The following ABCB9 variants were observed in gnomAD, a reference collection of about 807,000 sequenced individuals.
ABCB9 encodes ABC-type oligopeptide transporter ABCB9.
Under a neutral mutation model 62.0 loss-of-function variants are expected in ABCB9, and 36 were observed. The observed-to-expected ratio is 0.58, with a 90% CI of 0.45 to 0.77. The LOEUF is 0.77. Ranked by LOEUF, ABCB9 falls within the 30% of genes least tolerant of loss-of-function variation. The pLI is 0.00. For synonymous variants in ABCB9, 435 were observed against 461.4 expected (o/e 0.94, Z 0.73); for missense variants, 943 against 1,054.7 (o/e 0.89, Z 1.47).
rs2135747835 is a variant in ABCB9, at chr12:122,929,693, CGTGAAGGCGTTG to C, written c.*206_*217del. 1 of 1,292,316 alleles carries C rather than the reference CGTGAAGGCGTTG, an allele frequency of 7.7e-7. No individual in the cohort carries two copies. The highest frequency in any genetic ancestry group is 2.8e-5 in the East Asian group (1 of 35,512). The allele number at this position is 1,292,316 out of a possible 1,614,324, so 80.1% of individuals were successfully genotyped here. ...CTTTGCTTAGGAGGCTAGGGAGGTC[CGTGAAGGCGTTG>C]GCTCAGGGCAGCAGGGGTAAGGAGT... On this transcript the variant is annotated 3_prime_UTR_variant, in exon 12 of 12. Transcript: ENST00000280560. This position sits in a 1 kb window ranked among gnomAD's most constrained non-coding sequence, Gnocchi z 6.0.
At chr12:122,956,116 CG>C (rs2036602396) in intron 2 of ABCB9, among the ~76,000 whole-genome samples, 1 of 152,104 alleles carries the variant, frequency 6.6e-6, no homozygotes, top group Admixed American at 6.5e-5. Context: ...ACTTTTGGGC[CG>C]CCCAGCATGA....
At chr12:122,966,559 G>GGCGGGGCCTCAGGAGGA (rs2037188341), upstream of ABCB9, 2 of 152,178 alleles carry the variant, frequency 1.3e-5, no homozygotes, top group African/African-American at 2.4e-5. Context: ...TCCCGGGAGG[G>GGCGGGGCCTCAGGAGGA]GCGGGGCCTC....
At chr12:122,920,487 A>G (rs1233628374), downstream of ABCB9, among the ~76,000 whole-genome samples, 4 of 152,178 alleles carry the variant, frequency 2.6e-5, no homozygotes, top group East Asian at 7.7e-4. Flanking sequence ...GCCTGTGTTC[A>G]GTTCCCAGTG....
chr12:122,948,861 G>C lies in ABCB9; in HGVS notation c.848-32C>G, dbSNP rs757987414. 8 of 1,448,640 alleles carry C rather than the reference G, an allele frequency of 5.5e-6. No homozygotes were observed. In the East Asian group the frequency reaches 2.1e-4, roughly 39 times the overall value. The allele number at this position is 1,448,640 out of a possible 1,614,324, so 89.7% of individuals were successfully genotyped here. On this transcript the variant is annotated intron_variant, in intron 4 of 11. Transcript: ENST00000280560. ...CACACGCGGCTCAGCTCTCACCACA[G>C]CAACCCGGGCCTTGGGGGTGGCGGT... is the stretch of plus-strand genomic sequence containing the variant.
chr12:122,969,681 G>A (rs548220654), upstream of ABCB9, among the ~76,000 whole-genome samples: 91 of 150,590 alleles, frequency 6.0e-4, 3 homozygotes, highest in South Asian at 0.018. Flanking sequence ...AGGCTGCAAT[G>A]AGCTGTGTCC....
chr12:122,949,705 GC>G, intron 4 of ABCB9, 82 bp downstream of exon 4: 1 of 1,553,156 alleles, frequency 6.4e-7, no homozygotes, highest in Non-Finnish European at 8.8e-7. Flanking sequence ...CCACCCACAC[GC>G]CCATTTCATT....
chr12:122,950,423 G>A, intron 3 of ABCB9, 28 bp downstream of exon 3: 2 of 1,588,132 alleles, frequency 1.3e-6, no homozygotes, highest in African/African-American at 1.3e-5. Flanking sequence ...GGGTGTGCGG[G>A]GCAGGGCGTG....
chr12:122,974,446 C>G (rs1442360363), intron 1 of ABCB9: 2 of 152,382 alleles, frequency 1.3e-5, no homozygotes, highest in Non-Finnish European at 2.9e-5. Flanking sequence ...GGATGTGTGA[C>G]CTGCGGCGGG....
In ABCB9 at chr12:122,935,243, C is replaced by A. The variant is rs561296678; in HGVS notation, c.1903+29G>T. 226 of 1,579,614 alleles carry A rather than the reference C, an allele frequency of 1.4e-4. 3 individuals are homozygous for A. In the South Asian group the frequency reaches 2.3e-3, roughly 16 times the overall value. The stretch of plus-strand genomic sequence containing the variant: ...GTCCCTGAGGGTGACCCTGTGGGCC[C>A]AGGAGAGGGGCCACCCCCAGCTCCA... On this transcript the variant is annotated intron_variant, in intron 10 of 11. Coordinates refer to ENST00000280560, the MANE Select transcript of ABCB9 (RefSeq NM_019625.4).
intron 4 of ABCB9, 38 bp from the exon 5 acceptor site, chr12:122,948,867 C>G: frequency 1.6e-6 from 2 of 1,255,878 alleles, no homozygotes; most frequent in South Asian, 1.8e-5. Flanking sequence ...CACAGCAACC[C>G]GGGCCTTGGG....
At chr12:122,948,924 A>T in intron 4 of ABCB9, 95 bp from the exon 5 acceptor site, 24 of 793,794 alleles carry the variant, frequency 3.0e-5, no homozygotes, top group Non-Finnish European at 3.6e-5. Flanking sequence ...GACACTGGGA[A>T]GCCGGGCCTC....
rs34917345 is a variant in ABCB9 at position 122,958,169 on chromosome 12, C to CAAAAA, written c.601+1461_601+1465dup. Among the ~76,000 whole-genome samples the CAAAAA allele has an allele frequency of 1.4e-4, 10 of 72,212 alleles. No individual in the cohort carries two copies. In the South Asian group the frequency reaches 3.0e-3, roughly 21 times the overall value. The allele number at this position is 72,212 out of a possible 152,430, so 47.4% of individuals were successfully genotyped here. A position where few individuals can be genotyped will look rare whatever the true frequency, so the allele number is the denominator to read the frequency against. On this transcript the variant is annotated intron_variant, in intron 2 of 11. Coordinates refer to ENST00000280560, the MANE Select transcript of ABCB9 (RefSeq NM_019625.4). ...TGGGTGACAGAGCAAGACTCCATCT[C>CAAAAA]AAAAAAAAAAAAAAAAAAAAAATTC...
upstream of ABCB9, among the ~76,000 whole-genome samples, chr12:122,970,959 A>C (rs2037263790): frequency 6.6e-6 from 1 of 152,218 alleles, no homozygotes; most frequent in East Asian, 1.9e-4. Context: ...ATTCTGGAAA[A>C]GGCAAAACGG....
At position 122,944,549 on chromosome 12, in the gene ABCB9, G is replaced by T; in HGVS notation, c.1252-30C>A. The T allele has an allele frequency of 1.2e-6, 2 of 1,610,758 alleles. No homozygotes were observed. The highest frequency in any genetic ancestry group is 1.7e-6 in the Non-Finnish European group (2 of 1,178,240). On this transcript the variant is annotated intron_variant, in intron 6 of 11. Coordinates refer to ENST00000280560, the MANE Select transcript of ABCB9 (RefSeq NM_019625.4). This position sits in a 1 kb window ranked among gnomAD's most constrained non-coding sequence, Gnocchi z 4.9. The stretch of plus-strand genomic sequence containing the variant: ...GGCAGAGGGAGAGGGGATGTGGGTC[G>T]AGGGGACCTTAGATCCCCCACCATC...
chr12:122,971,937 A>G (rs1177104244), intron 1 of ABCB9, among the ~76,000 whole-genome samples: 1 of 151,992 alleles, frequency 6.6e-6, no homozygotes, highest in African/African-American at 2.4e-5. Context: ...ACTGATCTTA[A>G]AAAAAAGGAA....
intron 3 of ABCB9, among the ~76,000 whole-genome samples, chr12:122,950,121 C>T (rs1043493760): frequency 2.6e-5 from 4 of 152,126 alleles, no homozygotes; most frequent in Admixed American, 1.3e-4. Flanking sequence ...ACAAGAGACC[C>T]AAATGTGCCA....
chr12:122,955,688 CAT>C (rs1026038247), intron 2 of ABCB9, among the ~76,000 whole-genome samples: 2 of 151,966 alleles, frequency 1.3e-5, no homozygotes, highest in Non-Finnish European at 2.9e-5. Context: ...AGCATAAATG[CAT>C]AGTTTTTTGG....
intron 2 of ABCB9, among the ~76,000 whole-genome samples, chr12:122,954,855 G>T (rs2036545465): frequency 1.3e-5 from 2 of 152,120 alleles, no homozygotes; most frequent in African/African-American, 2.4e-5. Flanking sequence ...CCAATGGGTG[G>T]TTTTTTGTTT....
chr12:122,931,321 A>C lies in ABCB9; in HGVS notation c.2040+871T>G, dbSNP rs1593975391. Reference sequence around the variant, plus strand: ...ATTATAGGCATAAACCACTGCGCCCAGCCTTTTTTTTTTTTTTTTTGTAGA... The same window carrying C: ...ATTATAGGCATAAACCACTGCGCCCCGCCTTTTTTTTTTTTTTTTTGTAGA... On this transcript the variant is annotated intron_variant, in intron 11 of 11. Transcript: ENST00000280560. The C allele has an allele frequency of 2.5e-5, 3 of 119,982 alleles. No individual in the cohort carries two copies. In the East Asian group the frequency reaches 7.3e-4, roughly 29 times the overall value. 7.4% of individuals were successfully genotyped at this position (119,982 alleles called of 1,614,324 possible). A position where few individuals can be genotyped will look rare whatever the true frequency, so the allele number is the denominator to read the frequency against.
Sources: gnomAD v4.1 joint callset for allele counts (sites outside exome capture counted in the v4.1 genomes callset) on GRCh38, gnomAD v4.1.1 for gene constraint, Gnocchi (gnomAD v3.1) non-coding constraint, MANE v1.5 for transcripts, NCBI Gene and HGNC (gene_info 2026-07-23, HGNC 2026-07-21) for gene names.